Variants in GABRG2 observed in about 807,000 individuals in gnomAD.
GABRG2 encodes the protein gamma-aminobutyric acid type A receptor subunit gamma2.
A neutral mutation model predicts 56.4 loss-of-function variants in GABRG2; 16 were observed. That is an observed-to-expected ratio of 0.28 (90% CI 0.19 to 0.43). The LOEUF is 0.43. GABRG2 is among the 20% of genes least tolerant of loss of function. The pLI is 1.00. For synonymous variants in GABRG2, 208 were observed against 205.5 expected (o/e 1.01, Z -0.10); for missense variants, 327 against 582.7 (o/e 0.56, Z 4.52).
chr5:162,152,075 C>A, intron 9 of GABRG2: 1 of 271,360 alleles, frequency 3.7e-6, no homozygotes, highest in Non-Finnish European at 6.9e-6. Flanking sequence ...ATTACGACTA[C>A]CAAGTTTGTA....
At chr5:162,117,014 G>A (rs2113458486) in intron 6 of GABRG2, among the ~76,000 whole-genome samples, 1 of 152,250 alleles carries the variant, frequency 6.6e-6, no homozygotes, top group African/African-American at 2.4e-5. Context: ...TACTGCCCAA[G>A]AATGAAAATG....
chr5:162,144,137 A>G (rs1236470249), intron 7 of GABRG2, among the ~76,000 whole-genome samples: 1 of 152,204 alleles, frequency 6.6e-6, no homozygotes, highest in Non-Finnish European at 1.5e-5. Context: ...ATACTGTATT[A>G]CAAGCTTCTA....
At chr5:162,138,241 C>G (rs1764286920) in intron 6 of GABRG2, among the ~76,000 whole-genome samples, 1 of 151,970 alleles carries the variant, frequency 6.6e-6, no homozygotes, top group African/African-American at 2.4e-5. Flanking sequence ...GATCTTTGTT[C>G]CATCTTAAAT....
At chr5:162,135,735 G>T (rs1302157284) in intron 6 of GABRG2, among the ~76,000 whole-genome samples, 1 of 152,118 alleles carries the variant, frequency 6.6e-6, no homozygotes, top group East Asian at 1.9e-4. Flanking sequence ...AGAAAGATGG[G>T]ATATTAGAGT....
intron 8 of GABRG2, chr5:162,150,833 T>G (rs2113640808): frequency 6.6e-6 from 1 of 152,384 alleles, no homozygotes; most frequent in East Asian, 1.9e-4. Context: ...AAATGCTTTC[T>G]TTAATTGCTC....
intron 6 of GABRG2, among the ~76,000 whole-genome samples, chr5:162,118,551 C>T (rs1379387436): frequency 6.6e-6 from 1 of 151,968 alleles, no homozygotes; most frequent in Non-Finnish European, 1.5e-5. Context: ...GCTTTAAGTC[C>T]CAGGTAAACT....
At chr5:162,115,900 C>T (rs1762582243) in intron 6 of GABRG2, among the ~76,000 whole-genome samples, 1 of 152,024 alleles carries the variant, frequency 6.6e-6, no homozygotes, top group Non-Finnish European at 1.5e-5. Context: ...ACTTTCTATA[C>T]ATCAGCTCAT....
intron 7 of GABRG2, among the ~76,000 whole-genome samples, chr5:162,146,942 A>G (rs566686721): frequency 8.4e-4 from 128 of 152,348 alleles, no homozygotes; most frequent in African/African-American, 2.7e-3. Flanking sequence ...GTTCTTGGAA[A>G]TGTAGCTGAA....
chr5:162,114,441 G>A (rs954318348), intron 6 of GABRG2, among the ~76,000 whole-genome samples: 1 of 152,044 alleles, frequency 6.6e-6, no homozygotes, highest in African/African-American at 2.4e-5. Context: ...GGAGGCTGAG[G>A]CAGGAGAATC....
chr5:162,102,224 T>C (rs1396653122), intron 5 of GABRG2: 1 of 207,586 alleles, frequency 4.8e-6, no homozygotes, highest in East Asian at 1.2e-4. Context: ...CTAGAAAAAT[T>C]CTCATTATAA....
chr5:162,109,419 TA>T (rs1762096021), intron 6 of GABRG2, among the ~76,000 whole-genome samples: 5 of 140,072 alleles, frequency 3.6e-5, no homozygotes, highest in Admixed American at 7.2e-5. Context: ...TATATATATA[TA>T]TATTTATTTA....
chr5:162,095,754 T>G (rs950911871), intron 3 of GABRG2, among the ~76,000 whole-genome samples, 192 bp downstream of exon 3: 3 of 152,122 alleles, frequency 2.0e-5, no homozygotes, highest in African/African-American at 7.2e-5. Flanking sequence ...TTATGAGAAT[T>G]AAATGGGACC....
chr5:162,118,881 A>G (rs1762800948), intron 6 of GABRG2, among the ~76,000 whole-genome samples: 1 of 152,138 alleles, frequency 6.6e-6, no homozygotes, highest in Non-Finnish European at 1.5e-5. Flanking sequence ...CTAAATGTGG[A>G]AAGGAAAGGA....
chr5:162,087,634 G>GA (rs1333052166), intron 1 of GABRG2, among the ~76,000 whole-genome samples: 7 of 151,980 alleles, frequency 4.6e-5, no homozygotes, highest in Admixed American at 1.3e-4. Flanking sequence ...GAGAGAGATA[G>GA]AAAAAATTCT....
intron 1 of GABRG2, among the ~76,000 whole-genome samples, chr5:162,069,560 A>G (rs1348675750): frequency 2.6e-5 from 4 of 152,176 alleles, no homozygotes. Flanking sequence ...ACCCAGGCAA[A>G]ACAAAGAGTG....
chr5:162,082,195 C>T (rs1233425298), intron 1 of GABRG2, among the ~76,000 whole-genome samples: 4 of 151,714 alleles, frequency 2.6e-5, no homozygotes, highest in Non-Finnish European at 4.4e-5. Flanking sequence ...GGGGAAGAAG[C>T]ATGGATTCTA....
intron 2 of GABRG2, chr5:162,094,192 T>A (rs1009346235): frequency 3.6e-6 from 2 of 562,986 alleles, no homozygotes; most frequent in Non-Finnish European, 6.3e-6. Context: ...CAAGTGAAGC[T>A]TGAGAGCTAG....
intron 6 of GABRG2, among the ~76,000 whole-genome samples, chr5:162,109,409 TATATATA>T (rs1762088739): frequency 2.2e-5 from 3 of 138,922 alleles, no homozygotes; most frequent in African/African-American, 8.3e-5. Flanking sequence ...TATATATATA[TATATATA>T]TATATATTTA....
intron 6 of GABRG2, among the ~76,000 whole-genome samples, chr5:162,123,225 TC>T: frequency 6.6e-6 from 1 of 151,744 alleles, no homozygotes; most frequent in East Asian, 1.9e-4. Flanking sequence ...CTGTAAATCA[TC>T]CTCCTGATAT....
Sources: gnomAD v4.1 joint callset for allele counts (sites outside exome capture counted in the v4.1 genomes callset) on GRCh38, gnomAD v4.1.1 for gene constraint, MANE v1.5 for transcripts, NCBI Gene and HGNC (gene_info 2026-07-23, HGNC 2026-07-21) for gene names.